The following ZNF624 variants were observed in gnomAD, a reference collection of about 807,000 sequenced individuals.
The protein encoded by ZNF624 is zinc finger protein 624.
A neutral mutation model predicts 74.7 loss-of-function variants in ZNF624; 43 were observed. That is an observed-to-expected ratio of 0.58 (90% CI 0.45 to 0.74). The LOEUF (loss-of-function observed/expected upper bound fraction) is 0.74. ZNF624 is among the 30% of genes least tolerant of loss of function. The pLI, the probability that ZNF624 is intolerant of heterozygous loss-of-function variation, is 0.00. For missense variants in ZNF624, 820 were observed against 1,030.0 expected (o/e 0.80, Z 2.79); for synonymous variants, 331 against 341.3 (o/e 0.97, Z 0.33).
At position 16,622,175 on chromosome 17, in the gene ZNF624, TTC is replaced by T. The variant is rs1305693310; in HGVS notation, c.*111_*112del. On this transcript the variant is annotated 3_prime_UTR_variant, in exon 6 of 6. Transcript: ENST00000311331. ...GATTTCCCACATAATTGCTTATAGT[TTC>T]TCTGTATACTTTCTGATAAATTCCT... 4 of 743,526 alleles carry T rather than the reference TTC, an allele frequency of 5.4e-6. No homozygotes were observed. The highest frequency in any genetic ancestry group is 7.9e-6 in the Non-Finnish European group (4 of 505,366). 46.1% of individuals were successfully genotyped at this position (743,526 alleles called of 1,614,324 possible).
intron 3 of ZNF624, among the ~76,000 whole-genome samples, chr17:16,646,632 G>A (rs1909599487): frequency 6.6e-6 from 1 of 152,234 alleles, no homozygotes; most frequent in African/African-American, 2.4e-5. Context: ...CCTGGTTAAT[G>A]TCCTACAGGA....
chr17:16,628,220 G>A (rs1259244669), intron 5 of ZNF624, among the ~76,000 whole-genome samples: 3 of 151,914 alleles, frequency 2.0e-5, no homozygotes, highest in Non-Finnish European at 2.9e-5. Flanking sequence ...CTGAGATTGC[G>A]CCACTGCACT....
intron 5 of ZNF624, among the ~76,000 whole-genome samples, chr17:16,630,583 C>G (rs571278211): frequency 3.9e-4 from 59 of 152,026 alleles, no homozygotes; most frequent in Admixed American, 9.2e-4. Context: ...TAACAATATA[C>G]TACCTTAAAA....
chr17:16,646,821 A>G (rs1909604687), intron 3 of ZNF624, among the ~76,000 whole-genome samples: 1 of 152,362 alleles, frequency 6.6e-6, no homozygotes, highest in Non-Finnish European at 1.5e-5. Context: ...AGGCTTGTTA[A>G]GACAATGGTC....
intron 1 of ZNF624, among the ~76,000 whole-genome samples, chr17:16,650,502 T>C (rs1909699066): frequency 6.6e-6 from 1 of 151,882 alleles, no homozygotes; most frequent in African/African-American, 2.4e-5. Context: ...GAAAAAAAAG[T>C]ATATACCTAA....
In ZNF624 at chr17:16,624,344, T is replaced by C; in HGVS notation, c.542A>G (p.Asn181Ser). The change falls in exon 6 of 6, where the codon AAT (asparagine) becomes AGT (serine). Residue 181 changes from asparagine to serine, a missense_variant. Transcript: ENST00000311331. ...TCTTTGACTCAAATGATTCTCCTGA[T>C]TATTTTGTAATCTCAATATCCTATC... ...WNDRILRLQNNQENHLSQRII... is the reference protein window; with the variant it reads ...WNDRILRLQNSQENHLSQRII... 1.2e-6 allele frequency: 2 copies of C among 1,613,766 alleles called. No homozygotes were observed.
Position 16,622,154 on chromosome 17 carries a change from T to C in ZNF624, c.*134A>G, listed in dbSNP as rs1360348227. The C allele has an allele frequency of 1.2e-5, 7 of 583,076 alleles. No individual in the cohort carries two copies. The highest frequency in any genetic ancestry group is 3.7e-5 in the Admixed American group (1 of 27,184). 36.1% of individuals were successfully genotyped at this position (583,076 alleles called of 1,614,324 possible). On this transcript the variant is annotated 3_prime_UTR_variant, in exon 6 of 6. Transcript: ENST00000311331. ...TAAGATTTAATATTATTAAATGATT[T>C]CCCACATAATTGCTTATAGTTTCTC... is the stretch of plus-strand genomic sequence containing the variant.
chr17:16,640,238 T>A (rs1909435691), intron 3 of ZNF624, among the ~76,000 whole-genome samples: 1 of 152,032 alleles, frequency 6.6e-6, no homozygotes, highest in Non-Finnish European at 1.5e-5. Context: ...AAAGAGATAA[T>A]TCAACGGTAG....
At chr17:16,619,266 G>A (rs62072857), downstream of ZNF624, among the ~76,000 whole-genome samples, 8,788 of 152,260 alleles carry the variant, frequency 0.058, 303 homozygotes, top group Middle Eastern at 0.11. Flanking sequence ...ATATGTGGAA[G>A]AGAATGTAGA....
intron 1 of ZNF624, among the ~76,000 whole-genome samples, chr17:16,651,429 C>CAA (rs34186812): frequency 4.7e-5 from 4 of 84,388 alleles, no homozygotes; most frequent in South Asian, 4.3e-4. Context: ...GACTCCATCT[C>CAA]AAAAAAAAAA....
intron 5 of ZNF624, among the ~76,000 whole-genome samples, chr17:16,633,442 G>A (rs1021296278): frequency 6.6e-6 from 1 of 152,124 alleles, no homozygotes; most frequent in Non-Finnish European, 1.5e-5. Flanking sequence ...ACTAAATAAT[G>A]AGTAAATAAG....
At chr17:16,627,635 A>G (rs1313091395) in intron 5 of ZNF624, among the ~76,000 whole-genome samples, 1 of 152,226 alleles carries the variant, frequency 6.6e-6, no homozygotes, top group East Asian at 1.9e-4. Context: ...ACTCTTAATA[A>G]AGTCATAGGG....
Position 16,623,724 on chromosome 17 carries a change from A to G in ZNF624, c.1162T>C (p.Tyr388His). ...GCTTTCCCGCATTCACTACATTTAT[A>G]GGGTTTCTCTCCAGTTTGAATTCTC... ...HQRIQTGEKPYKCSECGKAFS... is the reference protein window; with the variant it reads ...HQRIQTGEKPHKCSECGKAFS... Residue 388 changes from tyrosine to histidine, a missense_variant, in exon 6 of 6, where the codon TAT becomes CAT. Physicochemically the swap from Tyr to His is moderately conservative, Grantham distance 83 (BLOSUM62 2). Transcript: ENST00000311331. This position sits in a 1 kb window ranked among gnomAD's most constrained non-coding sequence, Gnocchi z 5.3. The G allele has an allele frequency of 6.2e-7, 1 of 1,613,510 alleles. No homozygotes were observed. Among genetic ancestry groups the G allele is most frequent in the Non-Finnish European group, 8.5e-7 (1 of 1,179,836 alleles).
In ZNF624 at chr17:16,633,909, T is replaced by C. The variant is rs755457022; in HGVS notation, c.329A>G (p.Lys110Arg). ...PDMISHLENG[K>R]GPWVTVREIS... ...TTCTCTCACCGTCACCCATGGTCCT[T>C]TCCCATTCTCCAAATGAGATATCAT... The change falls in exon 5 of 6, where the codon AAA becomes AGA. Residue 110 changes from lysine (K) to arginine (R), a missense_variant. Lys to Arg is a conservative substitution (Grantham distance 26). Coordinates refer to ENST00000311331, the MANE Select transcript of ZNF624 (RefSeq NM_020787.4). The C allele has an allele frequency of 3.7e-6, 6 of 1,613,628 alleles. No homozygotes were observed. Among genetic ancestry groups the C allele is most frequent in the Middle Eastern group, 1.6e-4 (1 of 6,084 alleles).
chr17:16,632,887 C>T (rs1909239162), intron 5 of ZNF624, among the ~76,000 whole-genome samples: 1 of 152,218 alleles, frequency 6.6e-6, no homozygotes, highest in Non-Finnish European at 1.5e-5. Flanking sequence ...CCAGTTTCCC[C>T]TCACTTTAGT....
chr17:16,637,217 A>C (rs1909355225), intron 3 of ZNF624, among the ~76,000 whole-genome samples: 1 of 152,130 alleles, frequency 6.6e-6, no homozygotes, highest in Non-Finnish European at 1.5e-5. Flanking sequence ...CAATGAAATA[A>C]AAGAGATACA....
In ZNF624 at chr17:16,620,993, A is replaced by G. The variant is rs984795895; in HGVS notation, c.*1295T>C. Reference sequence around the variant, plus strand: ...TACAGTCTCCCCTTCCCTTATCTCTACTTCTCCTTTTCTCACTCCCCTCAA... The same window carrying G: ...TACAGTCTCCCCTTCCCTTATCTCTGCTTCTCCTTTTCTCACTCCCCTCAA... On this transcript the variant is annotated 3_prime_UTR_variant, in exon 6 of 6. Transcript: ENST00000311331. 1 of 151,812 alleles carries G rather than the reference A, an allele frequency of 6.6e-6. No individual in the cohort carries two copies. Among genetic ancestry groups the G allele is most frequent in the Non-Finnish European group, 1.5e-5 (1 of 67,966 alleles). 9.4% of individuals were successfully genotyped at this position (151,812 alleles called of 1,614,324 possible).
chr17:16,630,751 A>G (rs1206044116), intron 5 of ZNF624, among the ~76,000 whole-genome samples: 1 of 152,186 alleles, frequency 6.6e-6, no homozygotes, highest in East Asian at 1.9e-4. Context: ...GAGATACTTC[A>G]TAACGACAAA....
rs1265930798 is a variant in ZNF624 at position 16,621,667 on chromosome 17, C to T, written c.*621G>A. ...AAATATTTTCACAGGATAATGATCACCTACAGTTGCTCTCCTATGAAGAAC... is the reference window on the plus strand; with the variant it reads ...AAATATTTTCACAGGATAATGATCATCTACAGTTGCTCTCCTATGAAGAAC... On this transcript the variant is annotated 3_prime_UTR_variant, in exon 6 of 6. Coordinates refer to ENST00000311331, the MANE Select transcript of ZNF624 (RefSeq NM_020787.4). 6.6e-6 allele frequency: 1 copy of T among 152,110 alleles called. No individual in the cohort carries two copies. The highest frequency in any genetic ancestry group is 1.5e-5 in the Non-Finnish European group (1 of 68,012). 9.4% of individuals were successfully genotyped at this position (152,110 alleles called of 1,614,324 possible).
Sources: allele counts gnomAD v4.1 joint callset (sites outside exome capture counted in the v4.1 genomes callset), GRCh38; gene constraint gnomAD v4.1.1; non-coding constraint Gnocchi (gnomAD v3.1); transcripts MANE v1.5; gene names NCBI Gene and HGNC (gene_info 2026-07-23, HGNC 2026-07-21).